HADH: variants seen among roughly 807,000 people sequenced by gnomAD.
The protein encoded by HADH is hydroxyacyl-CoA dehydrogenase.
HADH carries 24 observed loss-of-function variants against 32.2 expected under a neutral mutation model. That is an observed-to-expected ratio of 0.75 (90% CI 0.54 to 1.05). The LOEUF (loss-of-function observed/expected upper bound fraction) is 1.05, where lower values mean the gene tolerates loss of function less well. Among genes scored for constraint, HADH ranks in the 50% least tolerant of loss-of-function variants. HADH has a pLI of 0.00. For missense variants in HADH, 350 were observed against 397.1 expected (o/e 0.88, Z 1.01); for synonymous variants, 139 against 152.5 (o/e 0.91, Z 0.65).
At chr4:107,995,872 G>A (rs1734940175) in intron 1 of HADH, among the ~76,000 whole-genome samples, 1 of 152,258 alleles carries the variant, frequency 6.6e-6, no homozygotes, top group East Asian at 1.9e-4. Flanking sequence ...CCAGGTTGAC[G>A]TCTCCTTGGC....
intron 2 of HADH, among the ~76,000 whole-genome samples, chr4:108,011,663 A>T (rs1157705310): frequency 1.3e-5 from 2 of 152,222 alleles, no homozygotes; most frequent in Non-Finnish European, 2.9e-5. Flanking sequence ...TTATATACCT[A>T]CAAGTAGAAT....
At chr4:108,022,979 A>G (rs1247256527) in intron 4 of HADH, among the ~76,000 whole-genome samples, 2 of 147,520 alleles carry the variant, frequency 1.4e-5, no homozygotes, top group Non-Finnish European at 3.0e-5. Context: ...TGTACATTCT[A>G]CAGTACACTG....
intron 5 of HADH, chr4:108,025,895 G>A (rs1736052215): frequency 6.6e-6 from 1 of 152,072 alleles, no homozygotes; most frequent in African/African-American, 2.4e-5. Flanking sequence ...AAAAAAGACT[G>A]TGTCTTTTCA....
chr4:108,034,377 T>TCAGGTGTTCTTCTCAGAGCCG lies in HADH; in HGVS notation c.*20_*21insCAGGTGTTCTTCTCAGAGCCG. ...AAGTGATGTGCAGCTTCTCCGGCTC[T>TCAGGTGTTCTTCTCAGAGCCG]GAGAAGAACACCTGAGAGCGCTTTC... is the stretch of plus-strand genomic sequence containing the variant. On this transcript the variant is annotated 3_prime_UTR_variant, in exon 8 of 8. Coordinates refer to ENST00000309522, the MANE Select transcript of HADH (RefSeq NM_005327.7). The TCAGGTGTTCTTCTCAGAGCCG allele has an allele frequency of 7.1e-7, 1 of 1,411,622 alleles. No individual in the cohort carries two copies. Among genetic ancestry groups the TCAGGTGTTCTTCTCAGAGCCG allele is most frequent in the Non-Finnish European group, 1.0e-6 (1 of 995,028 alleles). 87.4% of individuals were successfully genotyped at this position (1,411,622 alleles called of 1,614,324 possible).
chr4:108,007,693 CAGT>C (rs1380651022), intron 1 of HADH, among the ~76,000 whole-genome samples: 1 of 152,134 alleles, frequency 6.6e-6, no homozygotes, highest in African/African-American at 2.4e-5. Context: ...ACTAACGCAC[CAGT>C]AGGAGATGAA....
intron 4 of HADH, among the ~76,000 whole-genome samples, chr4:108,019,951 G>T (rs1049583440): frequency 3.3e-5 from 5 of 152,210 alleles, no homozygotes; most frequent in Non-Finnish European, 7.3e-5. Flanking sequence ...GAATGGGAAG[G>T]CAGCACTAGA....
intron 2 of HADH, 69 bp downstream of exon 2, chr4:108,009,956 G>A: frequency 1.1e-6 from 1 of 952,178 alleles, no homozygotes; most frequent in East Asian, 2.8e-5. Flanking sequence ...GGCAATGGGG[G>A]ATTTCTGGCT....
chr4:108,008,711 TG>T (rs1735371513), intron 1 of HADH, among the ~76,000 whole-genome samples: 1 of 152,142 alleles, frequency 6.6e-6, no homozygotes, highest in African/African-American at 2.4e-5. Flanking sequence ...TCCAAAGCAA[TG>T]GTTTTGCAGG....
At chr4:108,002,175 A>G (rs568123419) in intron 1 of HADH, among the ~76,000 whole-genome samples, 6 of 152,288 alleles carry the variant, frequency 3.9e-5, no homozygotes, top group Non-Finnish European at 8.8e-5. Context: ...GGGGTCCCCA[A>G]CTTCTGGTCC....
intron 4 of HADH, among the ~76,000 whole-genome samples, chr4:108,020,762 A>T (rs1415126288): frequency 6.6e-6 from 1 of 152,094 alleles, no homozygotes; most frequent in Non-Finnish European, 1.5e-5. Context: ...AGTGTGGGGG[A>T]CGCTGATGCT....
At chr4:108,020,671 A>G (rs1019726596) in intron 4 of HADH, among the ~76,000 whole-genome samples, 1 of 152,110 alleles carries the variant, frequency 6.6e-6, no homozygotes, top group South Asian at 2.1e-4. Context: ...TGCCTTTTAC[A>G]GGGTCCTAAT....
chr4:108,011,117 G>A (rs1408740187), intron 2 of HADH, among the ~76,000 whole-genome samples: 1 of 152,140 alleles, frequency 6.6e-6, no homozygotes, highest in African/African-American at 2.4e-5. Context: ...AAAGTGCTGG[G>A]ATTACAGGTG....
intron 1 of HADH, among the ~76,000 whole-genome samples, chr4:107,992,725 CA>C (rs1734850036): frequency 6.6e-6 from 1 of 152,124 alleles, no homozygotes; most frequent in African/African-American, 2.4e-5. Flanking sequence ...TGAATTCATG[CA>C]TATGTCAAGC....
rs138847830 is a variant in HADH at position 108,014,652 on chromosome 4, T to A, written c.419+64T>A. The A allele has an allele frequency of 3.9e-3, 5,644 of 1,448,550 alleles. 13 individuals are homozygous for A. The highest frequency in any genetic ancestry group is 6.0e-3 in the Middle Eastern group (34 of 5,660). The allele number at this position is 1,448,550 out of a possible 1,614,324, so 89.7% of individuals were successfully genotyped here. A position where few individuals can be genotyped will look rare whatever the true frequency, so the allele number is the denominator to read the frequency against. On this transcript the variant is annotated intron_variant, in intron 3 of 7. Transcript: ENST00000309522. The stretch of plus-strand genomic sequence containing the variant: ...TAACCTTATTTTTGTTTTTCATTTT[T>A]ATTTTTTGTTTTTATAGATTTGTGA...
At chr4:108,022,201 ATGTG>A (rs56746496) in intron 4 of HADH, among the ~76,000 whole-genome samples, 181 of 139,736 alleles carry the variant, frequency 1.3e-3, no homozygotes, top group Admixed American at 2.6e-3. Flanking sequence ...GTGTGTGTGT[ATGTG>A]TGTGTGTGTG....
At chr4:107,990,685 C>T (rs575159393) in intron 1 of HADH, among the ~76,000 whole-genome samples, 22 of 151,362 alleles carry the variant, frequency 1.5e-4, no homozygotes, top group Non-Finnish European at 2.8e-4. Flanking sequence ...TGAAATAGTG[C>T]CGTCTGTGCA....
chr4:108,027,314 C>A, intron 5 of HADH: 1 of 358,900 alleles, frequency 2.8e-6, no homozygotes, highest in Non-Finnish European at 5.3e-6. Context: ...TTGAGACAAA[C>A]TGTCACCCCC....
intron 1 of HADH, among the ~76,000 whole-genome samples, chr4:107,991,810 C>T (rs887910462): frequency 6.6e-6 from 1 of 152,180 alleles, no homozygotes; most frequent in Non-Finnish European, 1.5e-5. Flanking sequence ...TTTTTAGAAA[C>T]ATTTTAACAA....
At chr4:107,998,615 A>G (rs1401503662) in intron 1 of HADH, among the ~76,000 whole-genome samples, 1 of 152,114 alleles carries the variant, frequency 6.6e-6, no homozygotes, top group Non-Finnish European at 1.5e-5. Flanking sequence ...GTTGGGGAGA[A>G]GGTGAGGCCA....
Sources: gnomAD v4.1 joint callset for allele counts (sites outside exome capture counted in the v4.1 genomes callset) on GRCh38, gnomAD v4.1.1 for gene constraint, MANE v1.5 for transcripts, NCBI Gene and HGNC (gene_info 2026-07-23, HGNC 2026-07-21) for gene names.